PRTG: variants seen among roughly 807,000 people sequenced by gnomAD.
PRTG encodes immunoglobulin superfamily, DCC subclass, member 5.
In PRTG, 67 loss-of-function variants were observed where a neutral mutation model predicts 122.5. That is an observed-to-expected ratio of 0.55 (90% CI 0.45 to 0.67). The LOEUF (loss-of-function observed/expected upper bound fraction) is 0.67, where lower values mean the gene tolerates loss of function less well. Among genes scored for constraint, PRTG ranks in the 30% least tolerant of loss-of-function variants. The pLI is 0.00. For missense variants in PRTG, 1,435 were observed against 1,415.4 expected, an observed-to-expected ratio of 1.01 and a Z score of -0.22; for synonymous variants, 554 against 501.1, an observed-to-expected ratio of 1.11 and a Z score of -1.41.
intron 2 of PRTG, among the ~76,000 whole-genome samples, chr15:55,721,749 C>G (rs1158388417): frequency 2.0e-5 from 3 of 152,140 alleles, no homozygotes; most frequent in Non-Finnish European, 2.9e-5. Flanking sequence ...AGGAAACTTA[C>G]AATCACGGGA....
At chr15:55,699,681 G>C (rs2059651390) in intron 2 of PRTG, among the ~76,000 whole-genome samples, 1 of 152,094 alleles carries the variant, frequency 6.6e-6, no homozygotes, top group Non-Finnish European at 1.5e-5. Context: ...AATGTGTTGG[G>C]ACTTAGAGAC....
At chr15:55,721,199 C>T (rs962883300) in intron 2 of PRTG, among the ~76,000 whole-genome samples, 4 of 152,152 alleles carry the variant, frequency 2.6e-5, no homozygotes, top group African/African-American at 9.7e-5. Flanking sequence ...TTCCATTCAT[C>T]CCCTTGCCAG....
At chr15:55,669,034 G>A (rs1467236110) in intron 11 of PRTG, among the ~76,000 whole-genome samples, 1 of 152,022 alleles carries the variant, frequency 6.6e-6, no homozygotes, top group African/African-American at 2.4e-5. Flanking sequence ...ATTTGAAAAT[G>A]CTCGTTAAAT....
chr15:55,690,807 A>C (rs2059596422), intron 2 of PRTG, among the ~76,000 whole-genome samples: 1 of 152,224 alleles, frequency 6.6e-6, no homozygotes, highest in Non-Finnish European at 1.5e-5. Context: ...TGCTGCATTG[A>C]GCACATTACA....
At chr15:55,717,912 C>T (rs1489806282) in intron 2 of PRTG, among the ~76,000 whole-genome samples, 11 of 152,126 alleles carry the variant, frequency 7.2e-5, no homozygotes, top group African/African-American at 2.4e-4. Flanking sequence ...CACATGGACG[C>T]GCATGAAAGT....
In PRTG at chr15:55,743,080, C is replaced by G; in HGVS notation, c.-149G>C. The G allele has an allele frequency of 1.6e-6, 2 of 1,289,154 alleles. No homozygotes were observed. The highest frequency in any genetic ancestry group is 2.0e-6 in the Non-Finnish European group (2 of 1,023,136). 79.9% of individuals were successfully genotyped at this position (1,289,154 alleles called of 1,614,324 possible). A position where few individuals can be genotyped will look rare whatever the true frequency, so the allele number is the denominator to read the frequency against. On this transcript the variant is annotated 5_prime_UTR_variant, in exon 1 of 20. Transcript: ENST00000389286. ...GGCACCGGCGTGGCGAGCGTCTCTG[C>G]GGCGGCGAGGCTGGTGCTCGGACGG...
chr15:55,706,803 G>A (rs548299671), intron 2 of PRTG, among the ~76,000 whole-genome samples: 39 of 152,102 alleles, frequency 2.6e-4, no homozygotes, highest in South Asian at 1.9e-3. Context: ...AGCGAGGCAG[G>A]GTAGAGACAC....
chr15:55,637,972 A>G (rs1315872805), intron 14 of PRTG, among the ~76,000 whole-genome samples: 3 of 152,210 alleles, frequency 2.0e-5, no homozygotes, highest in African/African-American at 7.2e-5. Flanking sequence ...GTTCACTGTC[A>G]TAAATGTCCC....
intron 18 of PRTG, among the ~76,000 whole-genome samples, chr15:55,621,247 G>C (rs1241812411): frequency 6.6e-6 from 1 of 152,118 alleles, no homozygotes; most frequent in East Asian, 1.9e-4. Context: ...AGCTCCTCAG[G>C]AGGCTGAGGC....
chr15:55,639,554 G>T, intron 13 of PRTG, 88 bp downstream of exon 13: 1 of 1,186,024 alleles, frequency 8.4e-7, no homozygotes. Flanking sequence ...TGAAGCCCGA[G>T]CTGGGCCCAA....
chr15:55,662,379 G>C (rs992506798), intron 11 of PRTG, among the ~76,000 whole-genome samples: 2 of 151,958 alleles, frequency 1.3e-5, no homozygotes, highest in African/African-American at 2.4e-5. Context: ...CATTCAACTG[G>C]GTTACAAAAA....
intron 9 of PRTG, among the ~76,000 whole-genome samples, chr15:55,674,820 C>T (rs529451): frequency 1 from 152,151 of 152,228 alleles, 76,037 homozygotes; most frequent in Middle Eastern, 1. Context: ...AATCATTCCC[C>T]TTCACATTGC....
At chr15:55,667,986 C>T (rs546647207) in intron 11 of PRTG, among the ~76,000 whole-genome samples, 24 of 152,292 alleles carry the variant, frequency 1.6e-4, no homozygotes, top group African/African-American at 5.5e-4. Context: ...ACTCAGGACC[C>T]AGCTGAGGTA....
chr15:55,689,632 TA>T (rs5812811), intron 2 of PRTG, among the ~76,000 whole-genome samples: 30 of 144,056 alleles, frequency 2.1e-4, no homozygotes, highest in Non-Finnish European at 2.1e-4. Context: ...GAACTTAAAT[TA>T]AAAAAAAAAA....
chr15:55,693,858 C>T (rs963708479), intron 2 of PRTG, among the ~76,000 whole-genome samples: 8 of 152,088 alleles, frequency 5.3e-5, no homozygotes, highest in African/African-American at 1.7e-4. Context: ...TATGAATACA[C>T]TGGTTTTATT....
intron 16 of PRTG, among the ~76,000 whole-genome samples, chr15:55,628,203 C>T (rs2141717547): frequency 6.6e-6 from 1 of 152,236 alleles, no homozygotes; most frequent in South Asian, 2.1e-4. Context: ...GGCATTTCCT[C>T]CATTTAGAGC....
chr15:55,651,223 CACA>C (rs1449322146), intron 11 of PRTG, among the ~76,000 whole-genome samples: 2 of 152,080 alleles, frequency 1.3e-5, no homozygotes, highest in Non-Finnish European at 2.9e-5. Flanking sequence ...CCCCCGCCCC[CACA>C]ACTTCTTGGT....
At chr15:55,737,004 T>C (rs1202804134) in intron 2 of PRTG, among the ~76,000 whole-genome samples, 2 of 152,222 alleles carry the variant, frequency 1.3e-5, no homozygotes, top group African/African-American at 2.4e-5. Flanking sequence ...AATGCTTTCC[T>C]ACGAAATTTA....
chr15:55,669,468 C>A (rs2059456426), intron 11 of PRTG, among the ~76,000 whole-genome samples: 1 of 152,180 alleles, frequency 6.6e-6, no homozygotes. Context: ...TAAAAATGGT[C>A]ACAGATGGTC....
Sources: gnomAD v4.1 joint callset for allele counts (sites outside exome capture counted in the v4.1 genomes callset) on GRCh38, gnomAD v4.1.1 for gene constraint, MANE v1.5 for transcripts, NCBI Gene and HGNC (gene_info 2026-07-23, HGNC 2026-07-21) for gene names.